The following CDH12 variants were observed in gnomAD, a reference collection of about 807,000 sequenced individuals.
The protein encoded by CDH12 is cadherin 12.
CDH12 carries 41 observed loss-of-function variants against 74.1 expected under a neutral mutation model. That is an observed-to-expected ratio of 0.55 (90% CI 0.43 to 0.72). The LOEUF (loss-of-function observed/expected upper bound fraction) is 0.72, where lower values mean the gene tolerates loss of function less well. Ranked by LOEUF, CDH12 falls within the 30% of genes least tolerant of loss-of-function variation. The pLI is 0.00. For synonymous variants in CDH12, 399 were observed against 355.0 expected (o/e 1.12, Z -1.39); for missense variants, 945 against 977.2 (o/e 0.97, Z 0.44).
intron 1 of CDH12, among the ~76,000 whole-genome samples, chr5:22,712,957 A>C (rs1204647895): frequency 6.6e-6 from 1 of 152,090 alleles, no homozygotes; most frequent in Non-Finnish European, 1.5e-5. Context: ...TAAATAATAT[A>C]ATCAGCAATC....
chr5:22,349,257 G>A (rs1240843581), intron 3 of CDH12, among the ~76,000 whole-genome samples: 1 of 152,144 alleles, frequency 6.6e-6, no homozygotes, highest in Non-Finnish European at 1.5e-5. Context: ...ATAGCTGCCC[G>A]AATAAACCTT....
intron 3 of CDH12, among the ~76,000 whole-genome samples, chr5:22,400,713 C>T (rs1191374414): frequency 6.6e-6 from 1 of 151,916 alleles, no homozygotes; most frequent in African/African-American, 2.4e-5. Flanking sequence ...GCTTTTTAGC[C>T]CCTTTTGCCA....
chr5:22,400,936 G>A (rs1742703852), intron 3 of CDH12, among the ~76,000 whole-genome samples: 1 of 152,106 alleles, frequency 6.6e-6, no homozygotes, highest in Non-Finnish European at 1.5e-5. Context: ...TACGTAAGAT[G>A]ATTGATATAA....
intron 1 of CDH12, among the ~76,000 whole-genome samples, chr5:22,517,859 A>G (rs976575718): frequency 2.6e-5 from 4 of 152,178 alleles, no homozygotes; most frequent in Admixed American, 2.0e-4. Flanking sequence ...TTCCTTTCCA[A>G]CAATCAAGCA....
intron 1 of CDH12, among the ~76,000 whole-genome samples, chr5:22,777,929 C>G (rs1378256180): frequency 6.6e-6 from 1 of 151,910 alleles, no homozygotes; most frequent in East Asian, 1.9e-4. Flanking sequence ...TTCTCCTCCC[C>G]CAGCTTCCCG....
intron 4 of CDH12, among the ~76,000 whole-genome samples, chr5:22,175,338 A>G (rs1221936421): frequency 1.3e-5 from 2 of 151,716 alleles, no homozygotes; most frequent in Non-Finnish European, 2.9e-5. Flanking sequence ...GATGTAGAAA[A>G]AATTGTTTAA....
intron 1 of CDH12, among the ~76,000 whole-genome samples, chr5:22,823,979 C>A (rs1249332635): frequency 6.6e-6 from 1 of 152,018 alleles, no homozygotes; most frequent in Non-Finnish European, 1.5e-5. Context: ...CCAAAGGTGA[C>A]ATAAATCTCA....
intron 3 of CDH12, among the ~76,000 whole-genome samples, chr5:22,259,212 C>A (rs767134143): frequency 6.6e-6 from 1 of 151,986 alleles, no homozygotes; most frequent in Non-Finnish European, 1.5e-5. Context: ...ATGAGAAGTA[C>A]TTATCTAATT....
chr5:22,780,406 G>T (rs902103130), intron 1 of CDH12, among the ~76,000 whole-genome samples: 4 of 152,056 alleles, frequency 2.6e-5, no homozygotes, highest in East Asian at 1.9e-4. Flanking sequence ...ACAAAGAAAA[G>T]AAGTTTAATT....
rs578051621 is a variant in CDH12 at position 22,119,286 on chromosome 5, T to C, written c.-186-40424A>G. 1.3e-3 allele frequency among the ~76,000 whole-genome samples: 37 copies of C among 29,196 alleles called. 3 individuals carry two copies. In the South Asian group the frequency reaches 0.031, roughly 25 times the overall value. 19.2% of individuals were successfully genotyped at this position (29,196 alleles called of 152,430 possible). A position where few individuals can be genotyped will look rare whatever the true frequency, so the allele number is the denominator to read the frequency against. Reference sequence around the variant, plus strand: ...GGACACTACTCAATCTTCTACTTCGTTTTTTTTTTTTTTTTTTTTTCTGAG... The same window carrying C: ...GGACACTACTCAATCTTCTACTTCGCTTTTTTTTTTTTTTTTTTTTCTGAG... On this transcript the variant is annotated intron_variant, in intron 4 of 14. Transcript: ENST00000382254.
At chr5:22,185,587 G>T (rs1749897330) in intron 4 of CDH12, among the ~76,000 whole-genome samples, 1 of 152,170 alleles carries the variant, frequency 6.6e-6, no homozygotes, top group African/African-American at 2.4e-5. Context: ...TCATGTAGAT[G>T]ACATTATTTA....
Position 22,200,464 on chromosome 5 carries a change from T to C in CDH12, c.-187+12034A>G, listed in dbSNP as rs1054695832. ...TGAGAAATGTCACCCAGTTATTACA[T>C]AGAAAAGAGCTGATTGAAAATAGGT... On this transcript the variant is annotated intron_variant, in intron 4 of 14. Coordinates refer to ENST00000382254, the MANE Select transcript of CDH12 (RefSeq NM_004061.5). Among the ~76,000 whole-genome samples, 36 of 152,274 alleles carry C rather than the reference T, an allele frequency of 2.4e-4. 1 individual carries two copies. Among genetic ancestry groups the C allele is most frequent in the Non-Finnish European group, 3.8e-4 (26 of 68,004 alleles).
At chr5:22,820,308 A>G (rs1017257511) in intron 1 of CDH12, among the ~76,000 whole-genome samples, 3 of 152,066 alleles carry the variant, frequency 2.0e-5, no homozygotes, top group Non-Finnish European at 4.4e-5. Context: ...TTTGTCCCCA[A>G]CCGGATCTCA....
chr5:22,339,528 A>C (rs1012734854), intron 3 of CDH12, among the ~76,000 whole-genome samples: 2 of 152,226 alleles, frequency 1.3e-5, no homozygotes, highest in African/African-American at 4.8e-5. Flanking sequence ...ACTGAGGAGA[A>C]GCAATAAATG....
chr5:22,055,508 T>G (rs142790859), intron 5 of CDH12, among the ~76,000 whole-genome samples: 1 of 152,298 alleles, frequency 6.6e-6, no homozygotes. Context: ...CTCTAAATCT[T>G]ATTTGTTCTT....
intron 4 of CDH12, among the ~76,000 whole-genome samples, chr5:22,193,246 AACTT>A (rs1750411039): frequency 6.6e-6 from 1 of 152,234 alleles, no homozygotes; most frequent in South Asian, 2.1e-4. Context: ...AAGATATCAT[AACTT>A]CTCAAATTCA....
At chr5:21,848,194 T>C (rs1399860965) in intron 7 of CDH12, among the ~76,000 whole-genome samples, 2 of 152,102 alleles carry the variant, frequency 1.3e-5, no homozygotes, top group African/African-American at 4.8e-5. Flanking sequence ...ATTATAGCTA[T>C]TGTATCATGA....
intron 3 of CDH12, among the ~76,000 whole-genome samples, chr5:22,293,705 C>A (rs1014501032): frequency 6.6e-6 from 1 of 151,988 alleles, no homozygotes; most frequent in Admixed American, 6.6e-5. Context: ...CATGGATGAA[C>A]CTGGAGGCCA....
At chr5:22,290,299 C>T (rs1008140538) in intron 3 of CDH12, among the ~76,000 whole-genome samples, 9 of 152,002 alleles carry the variant, frequency 5.9e-5, no homozygotes, top group Admixed American at 4.6e-4. Flanking sequence ...CCCAAAACAT[C>T]GAGATGGATT....
Sources: gnomAD v4.1 joint callset for allele counts (sites outside exome capture counted in the v4.1 genomes callset) on GRCh38, gnomAD v4.1.1 for gene constraint, MANE v1.5 for transcripts, NCBI Gene and HGNC (gene_info 2026-07-23, HGNC 2026-07-21) for gene names.